USH1C: variants seen among roughly 807,000 people sequenced by gnomAD.
USH1C encodes the protein USH1 protein network component harmonin, also known as harmonin.
A neutral mutation model predicts 119.3 loss-of-function variants in USH1C; 90 were observed. That is an observed-to-expected ratio of 0.75 (90% CI 0.64 to 0.90). The LOEUF is 0.90. Ranked by LOEUF, USH1C falls within the 40% of genes least tolerant of loss-of-function variation. The pLI, the probability that USH1C is intolerant of heterozygous loss-of-function variation, is 0.00. For synonymous variants in USH1C, 465 were observed against 443.3 expected (o/e 1.05, Z -0.62); for missense variants, 1,165 against 1,167.7 (o/e 1.00, Z 0.03).
chr11:17,500,015 T>C (rs1849377766), intron 23 of USH1C, among the ~76,000 whole-genome samples: 1 of 152,190 alleles, frequency 6.6e-6, no homozygotes, highest in South Asian at 2.1e-4. Flanking sequence ...CACAAAGGAC[T>C]CAGGAGCTTC....
chr11:17,494,665 G>C, intron 26 of USH1C: 1 of 492,464 alleles, frequency 2.0e-6, no homozygotes, highest in Admixed American at 3.3e-5. Flanking sequence ...AGAAAACATA[G>C]GGCCATGCAG....
At chr11:17,501,631 G>A (rs758353914) in intron 21 of USH1C, 96 bp from the exon 22 acceptor site, 13 of 1,385,222 alleles carry the variant, frequency 9.4e-6, no homozygotes, top group Non-Finnish European at 1.3e-5. Flanking sequence ...ATGGGACACT[G>A]GGCCCCACAG....
intron 26 of USH1C, 123 bp downstream of exon 26, chr11:17,495,445 CA>C (rs771765000): frequency 4.8e-5 from 49 of 1,017,842 alleles, no homozygotes; most frequent in Non-Finnish European, 7.0e-5. Flanking sequence ...GGCAGCACTT[CA>C]GGGATGGCGC....
In USH1C at chr11:17,510,132, G is replaced by C. The variant is rs7931241; in HGVS notation, c.1530+273C>G. 0.013 allele frequency among the ~76,000 whole-genome samples: 1,974 copies of C among 152,258 alleles called. 45 individuals are homozygous for C. Among genetic ancestry groups the C allele is most frequent in the African/African-American group, 0.045 (1,884 of 41,534 alleles). On this transcript the variant is annotated intron_variant, in intron 17 of 26. Coordinates refer to ENST00000005226, the MANE Select transcript of USH1C (RefSeq NM_153676.4). ...CTGGAATGCCCTTGAGAGTGTAAGG[G>C]GGACTCTTAGTCATGATGCCAGGAC...
In USH1C at chr11:17,533,318, T is replaced by C. The variant is rs753946678; in HGVS notation, c.41A>G (p.Asp14Gly). 6 of 1,612,112 alleles carry C rather than the reference T, an allele frequency of 3.7e-6. No homozygotes were observed. The East Asian group carries it at 1.3e-4, about 36-fold the overall frequency. The change falls in exon 2 of 27, where the codon GAT (aspartate) becomes GGT (glycine). Residue 14 changes from aspartate to glycine, a missense_variant. Asp to Gly is a moderately conservative substitution (Grantham distance 94). Transcript: ENST00000005226. ...KVAREFRHKVDFLIENDAEKD... is the reference protein window; with the variant it reads ...KVAREFRHKVGFLIENDAEKD... Reference sequence around the variant, plus strand: ...CTCTGCATCATTTTCAATCAGAAAATCCACCTGGAAAATCCAATAGCAGAA... The same window carrying C: ...CTCTGCATCATTTTCAATCAGAAAACCCACCTGGAAAATCCAATAGCAGAA...
rs1591998944 is a variant in USH1C, at chr11:17,520,816, G to C, written c.1210+54C>G. The C allele has an allele frequency of 1.9e-6, 3 of 1,609,858 alleles. No individual in the cohort carries two copies. In the East Asian group the frequency reaches 6.7e-5, roughly 36 times the overall value. ...GGAGGTGGTGGTGAGGGGAGGGAGG[G>C]CCAGCATTTCTGACTAGTTCCCTTA... On this transcript the variant is annotated intron_variant, in intron 14 of 26. Transcript: ENST00000005226.
In USH1C at chr11:17,526,259, C is replaced by T. The variant is rs56114136; in HGVS notation, c.674+88G>A. On this transcript the variant is annotated intron_variant, in intron 8 of 26. Coordinates refer to ENST00000005226, the MANE Select transcript of USH1C (RefSeq NM_153676.4). ...ACACCCCTGGTGGGCAAGGTTTCCT[C>T]GGAAGTGGCAGTGAGGAAGGGGAGG... The T allele has an allele frequency of 2.8e-3, 3,177 of 1,144,700 alleles. 9 individuals are homozygous for T. Among genetic ancestry groups the T allele is most frequent in the Middle Eastern group, 7.6e-3 (35 of 4,610 alleles). 70.9% of individuals were successfully genotyped at this position (1,144,700 alleles called of 1,614,324 possible). A position where few individuals can be genotyped will look rare whatever the true frequency, so the allele number is the denominator to read the frequency against.
intron 18 of USH1C, among the ~76,000 whole-genome samples, chr11:17,507,456 C>G (rs1849696227): frequency 6.6e-6 from 1 of 152,182 alleles, no homozygotes; most frequent in Non-Finnish European, 1.5e-5. Context: ...GATCCTGACT[C>G]AAAGTTTTGC....
intron 1 of USH1C, among the ~76,000 whole-genome samples, chr11:17,534,756 C>G (rs1035571165): frequency 1.3e-5 from 2 of 152,050 alleles, no homozygotes; most frequent in African/African-American, 4.8e-5. Flanking sequence ...CCCCTGTAAT[C>G]CCAGCTACTT....
chr11:17,519,092 A>G (rs1444543662), intron 14 of USH1C, among the ~76,000 whole-genome samples: 1 of 142,336 alleles, frequency 7.0e-6, no homozygotes, highest in Non-Finnish European at 1.5e-5. Context: ...CCTATTGCAA[A>G]CTGGGTGCTG....
intron 15 of USH1C, among the ~76,000 whole-genome samples, chr11:17,514,797 CTTTT>C (rs57651457): frequency 8.1e-4 from 112 of 138,832 alleles, no homozygotes; most frequent in Non-Finnish European, 8.5e-4. Flanking sequence ...AGAAGCAATT[CTTTT>C]TTTTTTTTTT....
At chr11:17,508,796 C>T (rs1307129848) in intron 18 of USH1C, among the ~76,000 whole-genome samples, 1 of 152,164 alleles carries the variant, frequency 6.6e-6, no homozygotes, top group Non-Finnish European at 1.5e-5. Flanking sequence ...CTGGGTATTA[C>T]ACTTCAAGCC....
chr11:17,527,384 G>T (rs1032683312), intron 4 of USH1C, 53 bp from the exon 5 acceptor site: 1 of 1,393,268 alleles, frequency 7.2e-7, no homozygotes, highest in Non-Finnish European at 1.0e-6. Flanking sequence ...ATCAGGCAGT[G>T]GGGCAGACTC....
intron 12 of USH1C, 48 bp downstream of exon 12, chr11:17,522,736 T>C (rs1435330064): frequency 1.2e-6 from 2 of 1,611,492 alleles, no homozygotes; most frequent in Middle Eastern, 1.7e-4. Flanking sequence ...TGGGGTCGTG[T>C]GGTGGGGTGG....
At chr11:17,539,833 C>CTTTTTTT (rs34881002) in intron 1 of USH1C, among the ~76,000 whole-genome samples, 5 of 126,200 alleles carry the variant, frequency 4.0e-5, no homozygotes, top group Non-Finnish European at 4.9e-5. Context: ...CTTTCTTTTT[C>CTTTTTTT]TTTTTTTTTT....
At chr11:17,530,112 C>T (rs144945931) in intron 4 of USH1C, among the ~76,000 whole-genome samples, 127 of 152,354 alleles carry the variant, frequency 8.3e-4, no homozygotes, top group South Asian at 4.6e-3. Context: ...CCACCCCTTA[C>T]GCCACAGTGT....
chr11:17,508,971 T>C (rs969883755), intron 18 of USH1C, among the ~76,000 whole-genome samples: 5 of 152,204 alleles, frequency 3.3e-5, no homozygotes, highest in Non-Finnish European at 5.9e-5. Context: ...ATTCAAGGCT[T>C]TCTGGGATAA....
At chr11:17,532,793 C>G (rs1851046589) in intron 2 of USH1C, among the ~76,000 whole-genome samples, 1 of 152,228 alleles carries the variant, frequency 6.6e-6, no homozygotes, top group Admixed American at 6.5e-5. Flanking sequence ...CCACAAGTTA[C>G]TCAAGGAAAG....
At chr11:17,507,994 G>A (rs962224076) in intron 18 of USH1C, among the ~76,000 whole-genome samples, 15 of 152,174 alleles carry the variant, frequency 9.9e-5, no homozygotes, top group Admixed American at 4.6e-4. Context: ...GTCCTGGAAA[G>A]CACAGGCATG....
Sources: gnomAD v4.1 joint callset for allele counts (sites outside exome capture counted in the v4.1 genomes callset) on GRCh38, gnomAD v4.1.1 for gene constraint, MANE v1.5 for transcripts, NCBI Gene and HGNC (gene_info 2026-07-23, HGNC 2026-07-21) for gene names.